The following DMXL2 variants were observed in gnomAD, a reference collection of about 807,000 sequenced individuals.
DMXL2 encodes Dmx like 2.
In DMXL2, 103 loss-of-function variants were observed where a neutral mutation model predicts 331.1. The observed-to-expected ratio is 0.31, with a 90% CI of 0.27 to 0.37. The LOEUF is 0.37. Ranked by LOEUF, DMXL2 falls within the 10% of genes least tolerant of loss-of-function variation. The pLI is 1.00. For missense variants in DMXL2, 3,171 were observed against 3,642.9 expected (o/e 0.87, Z 3.33); for synonymous variants, 1,281 against 1,252.1 (o/e 1.02, Z -0.49).
Position 51,576,077 on chromosome 15 carries a change from C to T in DMXL2, c.192G>A (p.Glu64=), listed in dbSNP as rs760828797. ...KHGNIQVSCV[E]CSNQQGRIAA... ...TTACTCTTCCTTGTTGGTTAGAACA[C>T]TCCACACAGCTGACTTGGATGTTTC... Residue 64 remains glutamate (E), a synonymous_variant, in exon 2 of 44, where the codon GAG becomes GAA. Transcript: ENST00000560891. 1.9e-6 allele frequency: 3 copies of T among 1,604,452 alleles called. No individual in the cohort carries two copies. In the Admixed American group the frequency reaches 5.1e-5, roughly 27 times the overall value.
chr15:51,471,528 T>C, intron 28 of DMXL2, 127 bp from the exon 29 acceptor site: 1 of 773,796 alleles, frequency 1.3e-6, no homozygotes, highest in Non-Finnish European at 2.0e-6. Context: ...ATTCCTGTGC[T>C]TCTAAACTTT....
intron 29 of DMXL2, among the ~76,000 whole-genome samples, chr15:51,469,019 A>AACCACTTG (rs1191916668): frequency 1.3e-5 from 2 of 152,116 alleles, no homozygotes; most frequent in Non-Finnish European, 2.9e-5. Context: ...AAGATATAGC[A>AACCACTTG]ACCACTTGCA....
At chr15:51,470,954 C>T (rs1485055820) in intron 29 of DMXL2, among the ~76,000 whole-genome samples, 2 of 151,998 alleles carry the variant, frequency 1.3e-5, no homozygotes, top group Non-Finnish European at 2.9e-5. Flanking sequence ...TCCAGTCACT[C>T]GAAAAAGATG....
chr15:51,496,235 C>G (rs1375273994), intron 18 of DMXL2, among the ~76,000 whole-genome samples: 1 of 152,132 alleles, frequency 6.6e-6, no homozygotes, highest in Non-Finnish European at 1.5e-5. Context: ...GGCAAAGTCC[C>G]TACTCTCTTG....
At chr15:51,508,113 T>C (rs1325708944) in intron 15 of DMXL2, among the ~76,000 whole-genome samples, 2 of 151,776 alleles carry the variant, frequency 1.3e-5, no homozygotes, top group East Asian at 3.9e-4. Flanking sequence ...CACTCATAAG[T>C]GGGAGTTGAA....
intron 3 of DMXL2, chr15:51,568,075 T>C (rs961643987): frequency 6.1e-6 from 1 of 164,314 alleles, no homozygotes; most frequent in Admixed American, 6.5e-5. Flanking sequence ...CGACCCTGTC[T>C]CAAAACAAAA....
chr15:51,532,292 G>A (rs772615879), intron 13 of DMXL2, among the ~76,000 whole-genome samples: 6 of 152,078 alleles, frequency 3.9e-5, no homozygotes, highest in Non-Finnish European at 8.8e-5. Flanking sequence ...AAATACAAGC[G>A]TTGCATGTCC....
chr15:51,592,981 C>T (rs888250191), intron 1 of DMXL2, among the ~76,000 whole-genome samples: 3 of 152,152 alleles, frequency 2.0e-5, no homozygotes, highest in Non-Finnish European at 2.9e-5. Context: ...TAAAGACCAT[C>T]GAGGCTAAGA....
At chr15:51,454,643 C>G (rs946277799) in intron 40 of DMXL2, among the ~76,000 whole-genome samples, 2 of 151,990 alleles carry the variant, frequency 1.3e-5, no homozygotes, top group Non-Finnish European at 2.9e-5. Flanking sequence ...ACTTCATGCA[C>G]GTGTCACCAT....
intron 13 of DMXL2, among the ~76,000 whole-genome samples, chr15:51,535,078 T>C (rs1484561086): frequency 6.6e-6 from 1 of 152,168 alleles, no homozygotes; most frequent in Non-Finnish European, 1.5e-5. Flanking sequence ...GAGAACATAG[T>C]AGATGCTCAA....
intron 41 of DMXL2, 28 bp downstream of exon 41, chr15:51,453,522 T>C (rs1286097812): frequency 1.3e-6 from 2 of 1,540,356 alleles, no homozygotes; most frequent in Admixed American, 1.9e-5. Context: ...GTTTTTATAT[T>C]TCTTACTTTG....
rs534570407 is a variant in DMXL2, at chr15:51,450,483, T to A, written c.8750-137A>T. 15 of 858,474 alleles carry A rather than the reference T, an allele frequency of 1.7e-5. 1 individual carries two copies. The Admixed American group carries it at 2.4e-4, about 14-fold the overall frequency. 53.2% of individuals were successfully genotyped at this position (858,474 alleles called of 1,614,324 possible). A position where few individuals can be genotyped will look rare whatever the true frequency, so the allele number is the denominator to read the frequency against. ...GGTACATTTATTGTTTTGTAAGTCATTGAATTTCTGTAATCACATGATTAA... is the reference window on the plus strand; with the variant it reads ...GGTACATTTATTGTTTTGTAAGTCAATGAATTTCTGTAATCACATGATTAA... On this transcript the variant is annotated intron_variant, in intron 42 of 43. Transcript: ENST00000560891.
chr15:51,574,126 G>A (rs891633095), intron 2 of DMXL2, among the ~76,000 whole-genome samples: 2 of 152,210 alleles, frequency 1.3e-5, no homozygotes, highest in Admixed American at 6.5e-5. Context: ...AGAAGTCAGG[G>A]AGCCATAAAC....
intron 1 of DMXL2, among the ~76,000 whole-genome samples, chr15:51,620,017 T>G (rs761230327): frequency 6.6e-6 from 1 of 152,222 alleles, no homozygotes; most frequent in Non-Finnish European, 1.5e-5. Context: ...ACAGGCTCCA[T>G]GAAGAGGAGC....
At chr15:51,609,417 G>A (rs1022897070) in intron 1 of DMXL2, among the ~76,000 whole-genome samples, 13 of 152,156 alleles carry the variant, frequency 8.5e-5, no homozygotes, top group African/African-American at 2.4e-4. Context: ...CAACGGACCC[G>A]GTCTACAATG....
chr15:51,536,399 T>A lies in DMXL2; in HGVS notation c.2081A>T (p.Asp694Val). 6.2e-7 allele frequency: 1 copy of A among 1,613,754 alleles called. No individual in the cohort carries two copies. Among genetic ancestry groups the A allele is most frequent in the Non-Finnish European group, 8.5e-7 (1 of 1,179,866 alleles). The change falls in exon 12 of 44, where the codon GAC (aspartate) becomes GTC (valine). Residue 694 changes from aspartate to valine, a missense_variant. Asp to Val is a radical substitution (Grantham distance 152, BLOSUM62 -3). This residue lies in a region of DMXL2 where 1,674 missense variants were observed against 1,780.2 expected (regional missense o/e 0.94). Transcript: ENST00000560891. ...DSDNKLSRLM[D>V]PVKHIKGSSK... ...GGAACCTTTTATATGTTTTACAGGG[T>A]CCATTAATCTACTTAATTTATTGTC...
Position 51,480,742 on chromosome 15 carries a change from C to T in DMXL2, c.6364G>A (p.Gly2122Ser), listed in dbSNP as rs1381985443. 1 of 1,600,592 alleles carries T rather than the reference C, an allele frequency of 6.2e-7. No homozygotes were observed. Among genetic ancestry groups the T allele is most frequent in the Non-Finnish European group, 8.5e-7 (1 of 1,170,690 alleles). The change falls in exon 24 of 44, where the codon GGT (glycine) becomes AGT (serine). Residue 2122 changes from glycine to serine, a missense_variant. Gly to Ser is a moderately conservative substitution (Grantham distance 56, BLOSUM62 0). Transcript: ENST00000560891. ...QEEMVDKPDI[G>S]SYERHQIERR... ...TCTATTTGATGGCGCTCATAGGAAC[C>T]AATATCTGGTTTGTCTACCATTTCT...
At chr15:51,521,245 T>A (rs2047345969) in intron 13 of DMXL2, among the ~76,000 whole-genome samples, 1 of 152,166 alleles carries the variant, frequency 6.6e-6, no homozygotes, top group African/African-American at 2.4e-5. Flanking sequence ...GCTAGCTGAC[T>A]AAACTGGGAC....
chr15:51,457,360 C>T lies in DMXL2; in HGVS notation c.8305G>A (p.Gly2769Ser), dbSNP rs1416376466. The change falls in exon 37 of 44, where the codon GGC becomes AGC. Residue 2769 changes from glycine (G) to serine (S), a missense_variant. Physicochemically the swap from Gly to Ser is moderately conservative, Grantham distance 56. Transcript: ENST00000560891. Reference sequence around the variant, plus strand: ...GCTCCAGTGCTAGTCTGTCCAGTGCCCAGCCATGGCAGAGATGAAGGTGGA... The same window carrying T: ...GCTCCAGTGCTAGTCTGTCCAGTGCTCAGCCATGGCAGAGATGAAGGTGGA... ...VHPPSSLPWLGTGQTSTGASV... is the reference protein window; with the variant it reads ...VHPPSSLPWLSTGQTSTGASV... The T allele has an allele frequency of 6.2e-7, 1 of 1,614,000 alleles. No individual in the cohort carries two copies. Among genetic ancestry groups the T allele is most frequent in the African/African-American group, 1.3e-5 (1 of 74,918 alleles).
Sources: allele counts gnomAD v4.1 joint callset (sites outside exome capture counted in the v4.1 genomes callset), GRCh38; gene constraint gnomAD v4.1.1; regional missense constraint gnomAD v4.1.1; transcripts MANE v1.5; gene names NCBI Gene and HGNC (gene_info 2026-07-23, HGNC 2026-07-21).